DENND4C: variants seen among roughly 807,000 people sequenced by gnomAD.
The protein encoded by DENND4C is DENN domain containing 4C, also known as DENN domain-containing protein 4C.
DENND4C carries 108 observed loss-of-function variants against 203.0 expected under a neutral mutation model. The observed-to-expected ratio is 0.53, with a 90% CI of 0.46 to 0.62. The LOEUF (loss-of-function observed/expected upper bound fraction) is 0.62, where lower values mean the gene tolerates loss of function less well. DENND4C is among the 20% of genes least tolerant of loss of function. DENND4C has a pLI of 0.00. For synonymous variants in DENND4C, 871 were observed against 792.4 expected, an observed-to-expected ratio of 1.10 and a Z score of -1.67; for missense variants, 2,481 against 2,301.2, an observed-to-expected ratio of 1.08 and a Z score of -1.60.
intron 1 of DENND4C, among the ~76,000 whole-genome samples, chr9:19,237,600 G>T (rs981919628): frequency 6.6e-6 from 1 of 151,886 alleles, no homozygotes; most frequent in African/African-American, 2.4e-5. Flanking sequence ...TTTGTGATCC[G>T]CCCGCCTCGA....
intron 1 of DENND4C, among the ~76,000 whole-genome samples, chr9:19,234,055 C>T (rs4977516): frequency 1 from 151,615 of 152,318 alleles, 75,461 homozygotes; most frequent in Non-Finnish European, 1. Flanking sequence ...TGTATAATTC[C>T]GTGATTAATG....
intron 9 of DENND4C, among the ~76,000 whole-genome samples, chr9:19,304,228 A>C (rs1172296413): frequency 6.9e-6 from 1 of 144,074 alleles, no homozygotes; most frequent in Non-Finnish European, 1.5e-5. Flanking sequence ...TCTGTTGCCC[A>C]GGCTGGAGTG....
rs1306513499 is a variant in DENND4C, at chr9:19,358,389, T to G, written c.5160+229T>G. 6.6e-6 allele frequency among the ~76,000 whole-genome samples: 1 copy of G among 152,226 alleles called. No homozygotes were observed. Among genetic ancestry groups the G allele is most frequent in the Non-Finnish European group, 1.5e-5 (1 of 68,024 alleles). On this transcript the variant is annotated intron_variant, in intron 28 of 32. Transcript: ENST00000434457. This position sits in a 1 kb window ranked among gnomAD's most constrained non-coding sequence, Gnocchi z 4.8. ...AGTTATTTTCAGTTTATGGCATTCT[T>G]CTTTTATGTATATTCTCATTCAGTT...
At chr9:19,295,495 A>T in intron 5 of DENND4C, among the ~76,000 whole-genome samples, 1 of 150,622 alleles carries the variant, frequency 6.6e-6, no homozygotes, top group East Asian at 2.0e-4. Context: ...ACAGAGCAAG[A>T]CTCCATCTCA....
Position 19,263,067 on chromosome 9 carries a change from A to T in DENND4C, c.-17-13091A>T, listed in dbSNP as rs542038757. ...TACTAAATGGGGAAAACAGTCTGTT[A>T]TGGGTCTGTTGTATATAGCTCTTAC... is the stretch of plus-strand genomic sequence containing the variant. On this transcript the variant is annotated intron_variant, in intron 1 of 32. Coordinates refer to ENST00000434457, the MANE Select transcript of DENND4C (RefSeq NM_001330640.2). 5.9e-5 allele frequency among the ~76,000 whole-genome samples: 9 copies of T among 152,288 alleles called. No homozygotes were observed. The East Asian group carries it at 1.5e-3, about 26-fold the overall frequency.
intron 30 of DENND4C, among the ~76,000 whole-genome samples, chr9:19,362,205 C>A (rs1254356843): frequency 6.6e-6 from 1 of 152,108 alleles, no homozygotes; most frequent in African/African-American, 2.4e-5. Flanking sequence ...ACCTGGGCAG[C>A]AAAGGTTGCA....
chr9:19,294,113 G>A (rs1387542545), intron 5 of DENND4C, among the ~76,000 whole-genome samples: 2 of 152,162 alleles, frequency 1.3e-5, no homozygotes, highest in African/African-American at 2.4e-5. Flanking sequence ...GAAAATAGGA[G>A]TCTGAGGTTC....
At chr9:19,355,641 A>G (rs926407257) in intron 26 of DENND4C, among the ~76,000 whole-genome samples, 1 of 152,036 alleles carries the variant, frequency 6.6e-6, no homozygotes, top group African/African-American at 2.4e-5. Context: ...TCTTAATGCC[A>G]TGTTGTTTTC....
chr9:19,300,463 C>A, intron 9 of DENND4C, 132 bp downstream of exon 9: 2 of 873,650 alleles, frequency 2.3e-6, no homozygotes, highest in Non-Finnish European at 3.1e-6. Flanking sequence ...AAATTTCCAG[C>A]CCAGTAAAAG....
At position 19,272,523 on chromosome 9, in the gene DENND4C, C is replaced by G. The variant is rs140958871; in HGVS notation, c.-17-3635C>G. Among the ~76,000 whole-genome samples the G allele has an allele frequency of 5.8e-3, 881 of 152,124 alleles. 11 individuals are homozygous for G. The highest frequency in any genetic ancestry group is 0.02 in the African/African-American group (821 of 41,528). Reference sequence around the variant, plus strand: ...CCTCCCACCTCGGCCTCCCAAAGTGCTGGGATTAGAGACATGAGCCAATGT... The same window carrying G: ...CCTCCCACCTCGGCCTCCCAAAGTGGTGGGATTAGAGACATGAGCCAATGT... On this transcript the variant is annotated intron_variant, in intron 1 of 32. Transcript: ENST00000434457.
At chr9:19,267,456 A>G (rs1564102120) in intron 1 of DENND4C, among the ~76,000 whole-genome samples, 1 of 152,134 alleles carries the variant, frequency 6.6e-6, no homozygotes, top group Non-Finnish European at 1.5e-5. Flanking sequence ...TGCCTGGAAT[A>G]TCTTTTTTGA....
intron 1 of DENND4C, among the ~76,000 whole-genome samples, chr9:19,252,048 T>C (rs1329529694): frequency 6.6e-6 from 1 of 152,162 alleles, no homozygotes; most frequent in African/African-American, 2.4e-5. Flanking sequence ...ACTGTATTAG[T>C]CTGTTCTCAC....
rs1331721467 is a variant in DENND4C, at chr9:19,373,881, C to T, written c.*1708C>T. On this transcript the variant is annotated 3_prime_UTR_variant, in exon 33 of 33. Transcript: ENST00000434457. ...TTATTGTACCAGTCTTTCAACATTT[C>T]AGGGTTAATCTGACCTATGCAGAAT... Among the ~76,000 whole-genome samples, 1 of 152,182 alleles carries T rather than the reference C, an allele frequency of 6.6e-6. No homozygotes were observed. The highest frequency in any genetic ancestry group is 1.5e-5 in the Non-Finnish European group (1 of 68,024).
chr9:19,290,942 C>T, intron 5 of DENND4C, 66 bp downstream of exon 5: 1 of 1,454,592 alleles, frequency 6.9e-7, no homozygotes, highest in Non-Finnish European at 9.4e-7. Flanking sequence ...AAGGTTAATA[C>T]AAGTTTTATT....
Position 19,332,250 on chromosome 9 carries a change from G to A in DENND4C, c.2460+66G>A, listed in dbSNP as rs557076215. The A allele has an allele frequency of 1.0e-5, 15 of 1,458,038 alleles. No homozygotes were observed. In the African/African-American group the frequency reaches 1.8e-4, roughly 18 times the overall value. The allele number at this position is 1,458,038 out of a possible 1,614,324, so 90.3% of individuals were successfully genotyped here. ...ATTTTTGTACTTCTAATAAAATTTGGGTGTAAGTTGCTTTAAAGTGTGCTC... is the reference window on the plus strand; with the variant it reads ...ATTTTTGTACTTCTAATAAAATTTGAGTGTAAGTTGCTTTAAAGTGTGCTC... On this transcript the variant is annotated intron_variant, in intron 17 of 32. Coordinates refer to ENST00000434457, the MANE Select transcript of DENND4C (RefSeq NM_001330640.2).
At chr9:19,326,716 T>G (rs1817911079) in intron 15 of DENND4C, among the ~76,000 whole-genome samples, 1 of 152,088 alleles carries the variant, frequency 6.6e-6, no homozygotes, top group African/African-American at 2.4e-5. Flanking sequence ...GCACCAATAC[T>G]TGTGTCTCTT....
chr9:19,275,434 C>G (rs1832704837), intron 1 of DENND4C, among the ~76,000 whole-genome samples: 1 of 151,450 alleles, frequency 6.6e-6, no homozygotes, highest in Admixed American at 6.6e-5. Context: ...CTGGGACTGA[C>G]AGGCGCACAC....
intron 2 of DENND4C, among the ~76,000 whole-genome samples, chr9:19,279,922 G>A (rs137997126): frequency 6.6e-6 from 1 of 152,152 alleles, no homozygotes; most frequent in Non-Finnish European, 1.5e-5. Context: ...TGAATTCAAG[G>A]GTTGTTTTTT....
intron 10 of DENND4C, among the ~76,000 whole-genome samples, chr9:19,307,563 A>G (rs1839936512): frequency 6.6e-6 from 1 of 151,858 alleles, no homozygotes; most frequent in Non-Finnish European, 1.5e-5. Context: ...TGAGGTCAGG[A>G]GTTCAAGACC....
Sources: allele counts gnomAD v4.1 joint callset (sites outside exome capture counted in the v4.1 genomes callset), GRCh38; gene constraint gnomAD v4.1.1; non-coding constraint Gnocchi (gnomAD v3.1); transcripts MANE v1.5; gene names NCBI Gene and HGNC (gene_info 2026-07-23, HGNC 2026-07-21).